CSMD1: variants seen among roughly 807,000 people sequenced by gnomAD.
The protein encoded by CSMD1 is CUB and sushi domain-containing protein 1.
In CSMD1, 213 loss-of-function variants were observed where a neutral mutation model predicts 417.5. The observed-to-expected ratio is 0.51, with a 90% CI of 0.46 to 0.57. The LOEUF (loss-of-function observed/expected upper bound fraction) is 0.57, where lower values mean the gene tolerates loss of function less well. CSMD1 is among the 20% of genes least tolerant of loss of function. The pLI is 0.00. For missense variants in CSMD1, 6,923 were observed against 4,529.7 expected (o/e 1.53, Z -15.17); for synonymous variants, 2,862 against 1,736.8 (o/e 1.65, Z -16.11).
At chr8:4,157,965 G>A (rs1796929953) in intron 3 of CSMD1, among the ~76,000 whole-genome samples, 1 of 152,192 alleles carries the variant, frequency 6.6e-6, no homozygotes, top group African/African-American at 2.4e-5. Context: ...AGCAACGTAT[G>A]CCGAGATTGG....
At chr8:4,395,487 A>C (rs867053542) in intron 3 of CSMD1, among the ~76,000 whole-genome samples, 1 of 151,928 alleles carries the variant, frequency 6.6e-6, no homozygotes, top group African/African-American at 2.4e-5. Context: ...TGAAGAATAC[A>C]AATCTCCACC....
intron 6 of CSMD1, among the ~76,000 whole-genome samples, chr8:3,716,883 A>G (rs368530089): frequency 2.6e-5 from 4 of 152,218 alleles, no homozygotes; most frequent in African/African-American, 4.8e-5. Flanking sequence ...GTTTTAAAAA[A>G]TATTTTGTAC....
At chr8:3,179,737 G>C (rs1438702209) in intron 37 of CSMD1, among the ~76,000 whole-genome samples, 2 of 152,084 alleles carry the variant, frequency 1.3e-5, no homozygotes, top group Non-Finnish European at 1.5e-5. Context: ...CATAAACAAG[G>C]CTTATGTTTT....
At chr8:3,826,903 C>T (rs115314767) in intron 5 of CSMD1, among the ~76,000 whole-genome samples, 1,556 of 152,248 alleles carry the variant, frequency 0.01, 27 homozygotes, top group African/African-American at 0.035. Context: ...TCTCCCACCT[C>T]AGCCTCTTGA....
At chr8:4,069,092 C>T (rs184923341) in intron 3 of CSMD1, among the ~76,000 whole-genome samples, 5 of 152,224 alleles carry the variant, frequency 3.3e-5, no homozygotes, top group African/African-American at 7.2e-5. Flanking sequence ...TAGACTTTGT[C>T]ATGGACTCCA....
chr8:4,832,328 G>T (rs755442182), intron 1 of CSMD1, among the ~76,000 whole-genome samples: 2 of 152,130 alleles, frequency 1.3e-5, no homozygotes, highest in Non-Finnish European at 2.9e-5. Flanking sequence ...AGATTCTTAC[G>T]GAGATGCAAT....
chr8:4,369,761 G>T (rs1802294233), intron 3 of CSMD1, among the ~76,000 whole-genome samples: 1 of 152,090 alleles, frequency 6.6e-6, no homozygotes, highest in African/African-American at 2.4e-5. Context: ...AGCTACTCCT[G>T]TTTGTTCATT....
In CSMD1 at chr8:3,566,249, G is replaced by A. The variant is rs188321865; in HGVS notation, c.1344+8696C>T. ...AAGGGGATGAGAAAAAGGAGGATGA[G>A]GAGGAAGAGTTGAAGAAAAGAATAA... On this transcript the variant is annotated intron_variant, in intron 10 of 69. Coordinates refer to ENST00000635120, the MANE Select transcript of CSMD1 (RefSeq NM_033225.6). 2.2e-3 allele frequency among the ~76,000 whole-genome samples: 331 copies of A among 152,180 alleles called. 4 individuals carry two copies. The highest frequency in any genetic ancestry group is 4.3e-3 in the Admixed American group (65 of 15,288).
At chr8:3,269,094 A>C (rs1053323013) in intron 26 of CSMD1, among the ~76,000 whole-genome samples, 11 of 152,242 alleles carry the variant, frequency 7.2e-5, no homozygotes, top group Admixed American at 4.6e-4. Flanking sequence ...GTCATCCCCC[A>C]GTATACAAGA....
intron 26 of CSMD1, among the ~76,000 whole-genome samples, chr8:3,268,389 C>T (rs1055423929): frequency 1.7e-4 from 25 of 144,124 alleles, no homozygotes; most frequent in African/African-American, 5.7e-4. Flanking sequence ...CCGAGGTTCA[C>T]ACCATTCTCC....
chr8:3,462,355 T>C (rs890295762), intron 12 of CSMD1, among the ~76,000 whole-genome samples: 1 of 152,152 alleles, frequency 6.6e-6, no homozygotes, highest in African/African-American at 2.4e-5. Flanking sequence ...GGACCAGTAC[T>C]CGTCCATGGC....
intron 1 of CSMD1, among the ~76,000 whole-genome samples, chr8:4,836,220 A>G (rs1178088513): frequency 6.6e-6 from 1 of 152,212 alleles, no homozygotes; most frequent in Non-Finnish European, 1.5e-5. Flanking sequence ...TTGAGGTATT[A>G]GATAGGTTAA....
intron 2 of CSMD1, among the ~76,000 whole-genome samples, chr8:4,475,819 A>C (rs1800772995): frequency 6.6e-6 from 1 of 151,760 alleles, no homozygotes; most frequent in Non-Finnish European, 1.5e-5. Context: ...CATTATGTTG[A>C]CCAGGCTGGT....
chr8:4,395,795 A>T (rs1804164999), intron 3 of CSMD1, among the ~76,000 whole-genome samples: 1 of 152,192 alleles, frequency 6.6e-6, no homozygotes, highest in South Asian at 2.1e-4. Context: ...AATACAATTC[A>T]ATTATGCATG....
At chr8:2,944,257 G>T (rs1221890594) in intron 68 of CSMD1, among the ~76,000 whole-genome samples, 2 of 152,190 alleles carry the variant, frequency 1.3e-5, no homozygotes, top group South Asian at 4.1e-4. Context: ...GGAAGCGAGG[G>T]ACGCAAAACA....
intron 1 of CSMD1, among the ~76,000 whole-genome samples, chr8:4,811,042 T>C (rs530069430): frequency 8.3e-4 from 127 of 152,202 alleles, no homozygotes; most frequent in Non-Finnish European, 1.4e-3. Context: ...GGCATCACAC[T>C]TAAACGATTA....
In CSMD1 at chr8:2,978,838, G is replaced by A; in HGVS notation, c.8378-38C>T. 3.3e-6 allele frequency: 5 copies of A among 1,516,840 alleles called. No homozygotes were observed. The South Asian group carries it at 6.5e-5, about 20-fold the overall frequency. 94.0% of individuals were successfully genotyped at this position (1,516,840 alleles called of 1,614,324 possible). A position where few individuals can be genotyped will look rare whatever the true frequency, so the allele number is the denominator to read the frequency against. On this transcript the variant is annotated intron_variant, in intron 54 of 69. Transcript: ENST00000635120. ...ACATTTCACACACCATTTAGAAACA[G>A]CTAGAAATAACAACAAAATAGATCA... is the stretch of plus-strand genomic sequence containing the variant.
chr8:3,377,589 T>C (rs1286900566), intron 18 of CSMD1, among the ~76,000 whole-genome samples: 1 of 152,160 alleles, frequency 6.6e-6, no homozygotes, highest in Non-Finnish European at 1.5e-5. Flanking sequence ...TTCTCCTAAA[T>C]CATTTTCCTA....
chr8:4,896,861 C>A (rs1214075733), intron 1 of CSMD1, among the ~76,000 whole-genome samples: 1 of 151,922 alleles, frequency 6.6e-6, no homozygotes, highest in South Asian at 2.1e-4. Flanking sequence ...CAGCAGCTGC[C>A]GGGAACACTG....
Sources: allele counts gnomAD v4.1 joint callset (sites outside exome capture counted in the v4.1 genomes callset), GRCh38; gene constraint gnomAD v4.1.1; transcripts MANE v1.5; gene names NCBI Gene and HGNC (gene_info 2026-07-23, HGNC 2026-07-21).